A2ML1: variants seen among roughly 807,000 people sequenced by gnomAD.
A2ML1 encodes alpha-2-macroglobulin like 1, also known as alpha-2-macroglobulin-like protein 1.
In A2ML1, 161 loss-of-function variants were observed where a neutral mutation model predicts 181.9. That is an observed-to-expected ratio of 0.89 (90% CI 0.78 to 1.01). The LOEUF is 1.01. Ranked by LOEUF, A2ML1 falls within the 50% of genes least tolerant of loss-of-function variation. The pLI, the probability that A2ML1 is intolerant of heterozygous loss-of-function variation, is 0.00. For missense variants in A2ML1, 1,670 were observed against 1,768.1 expected (o/e 0.94, Z 1.00); for synonymous variants, 663 against 666.8 (o/e 0.99, Z 0.09).
At position 8,850,124 on chromosome 12, in the gene A2ML1, T is replaced by C. The variant is rs201335724; in HGVS notation, c.2120-36T>C. On this transcript the variant is annotated intron_variant, in intron 17 of 35. Transcript: ENST00000299698. ...ATTTATGTCACAACAAGAAGTCTCC[T>C]GTTTCCTAAAGTTTTCGTATTCTCA... The C allele has an allele frequency of 3.2e-4, 492 of 1,521,942 alleles. No individual in the cohort carries two copies. Among genetic ancestry groups the C allele is most frequent in the Non-Finnish European group, 2.7e-4 (306 of 1,118,996 alleles). 94.3% of individuals were successfully genotyped at this position (1,521,942 alleles called of 1,614,324 possible).
At chr12:8,849,576 T>G in intron 16 of A2ML1, 93 bp from the exon 17 acceptor site, 1 of 1,017,638 alleles carries the variant, frequency 9.8e-7, no homozygotes, top group East Asian at 2.4e-5. Flanking sequence ...AAGAATGTTT[T>G]GTTTCAACTC....
At chr12:8,872,654 C>T (rs1944665523) in intron 33 of A2ML1, among the ~76,000 whole-genome samples, 1 of 151,514 alleles carries the variant, frequency 6.6e-6, no homozygotes, top group Non-Finnish European at 1.5e-5. Flanking sequence ...CATGGTTGTG[C>T]GTGCCGGTAG....
chr12:8,854,791 C>G lies in A2ML1; in HGVS notation c.2724C>G (p.Val908=). The part of the protein sequence containing the change: ...IKPVLVKPEG[V]LVEKTHSSLL... ...TCTCTTCATCGCAGCCTGAGGGAGT[C>G]CTGGTGGAGAAGACACACAGCTCAT... Residue 908 remains valine, a synonymous_variant, in exon 22 of 36, where the codon GTC becomes GTG. Coordinates refer to ENST00000299698, the MANE Select transcript of A2ML1 (RefSeq NM_144670.6). 1.9e-6 allele frequency: 3 copies of G among 1,614,060 alleles called. No individual in the cohort carries two copies. The highest frequency in any genetic ancestry group is 2.5e-6 in the Non-Finnish European group (3 of 1,180,024).
At chr12:8,877,900 A>G (rs1230890326), downstream of A2ML1, among the ~76,000 whole-genome samples, 1 of 152,206 alleles carries the variant, frequency 6.6e-6, no homozygotes, top group Non-Finnish European at 1.5e-5. Context: ...TTTTCGCAGC[A>G]CTATTCACAA....
At chr12:8,858,841 A>G (rs2136921690) in intron 26 of A2ML1, among the ~76,000 whole-genome samples, 1 of 152,202 alleles carries the variant, frequency 6.6e-6, no homozygotes, top group African/African-American at 2.4e-5. Context: ...CACCAAATCC[A>G]TCTGGGAAAG....
At chr12:8,853,566 C>T (rs1175504638) in intron 20 of A2ML1, among the ~76,000 whole-genome samples, 1 of 152,110 alleles carries the variant, frequency 6.6e-6, no homozygotes, top group Admixed American at 6.5e-5. Context: ...GAAGACTCGA[C>T]TAGGAGAGGA....
At chr12:8,858,126 C>A (rs778194996) in intron 26 of A2ML1, 24 bp downstream of exon 26, 26 of 1,606,538 alleles carry the variant, frequency 1.6e-5, no homozygotes, top group African/African-American at 5.4e-5. Context: ...CAGGAGCCTG[C>A]AGCCAACCAC....
intron 12 of A2ML1, chr12:8,845,088 G>T (rs1227162233): frequency 1.4e-6 from 2 of 1,446,268 alleles, no homozygotes; most frequent in Non-Finnish European, 1.8e-6. Flanking sequence ...ACACTTATGA[G>T]GATAGATTTT....
At chr12:8,830,078 GTC>G (rs781391564) in intron 4 of A2ML1, among the ~76,000 whole-genome samples, 21 of 152,250 alleles carry the variant, frequency 1.4e-4, no homozygotes, top group African/African-American at 4.8e-4. Context: ...TAGAGACAGA[GTC>G]TCGCTCTGTG....
intron 17 of A2ML1, 47 bp downstream of exon 17, chr12:8,849,806 C>G: frequency 6.4e-7 from 1 of 1,558,170 alleles, no homozygotes; most frequent in Non-Finnish European, 8.8e-7. Context: ...GTTAACAGTC[C>G]TGGAACTCTG....
rs767684278 is a variant in A2ML1, at chr12:8,851,781, C to T, written c.2235-3C>T. 5.0e-6 allele frequency: 8 copies of T among 1,613,896 alleles called. No individual in the cohort carries two copies. In the Admixed American group the frequency reaches 1.0e-4, roughly 20 times the overall value. On this transcript the variant is annotated splice_region_variant and splice_polypyrimidine_tract_variant and intron_variant, in intron 18 of 35. Transcript: ENST00000299698. ...CCTCATGTTGGTCCTTGTGTTTTCACAGTAACTCGGGGAAGGAGGCGGTCC... is the reference window on the plus strand; with the variant it reads ...CCTCATGTTGGTCCTTGTGTTTTCATAGTAACTCGGGGAAGGAGGCGGTCC...
At chr12:8,851,699 C>A in intron 18 of A2ML1, 85 bp from the exon 19 acceptor site, 1 of 1,297,840 alleles carries the variant, frequency 7.7e-7, no homozygotes, top group Non-Finnish European at 1.1e-6. Flanking sequence ...AGCCAGCACA[C>A]CCCACCGAAT....
chr12:8,844,964 A>C, intron 12 of A2ML1: 1 of 1,335,358 alleles, frequency 7.5e-7, no homozygotes, highest in Non-Finnish European at 9.6e-7. Context: ...GTGGACGGGA[A>C]GGGGGAGTTA....
intron 12 of A2ML1, 177 bp from the exon 13 acceptor site, chr12:8,845,265 C>T (rs1943629023): frequency 6.7e-7 from 1 of 1,482,106 alleles, no homozygotes; most frequent in African/African-American, 1.4e-5. Flanking sequence ...CCACCAGGAC[C>T]CGTTGGCAGC....
chr12:8,837,890 CGAA>C (rs1318662149), intron 8 of A2ML1, among the ~76,000 whole-genome samples: 1 of 46,092 alleles, frequency 2.2e-5, no homozygotes. Flanking sequence ...CCTCCCCCAC[CGAA>C]AAAAAAAAAA....
At chr12:8,832,041 C>A (rs769152988) in intron 4 of A2ML1, among the ~76,000 whole-genome samples, 1 of 152,118 alleles carries the variant, frequency 6.6e-6, no homozygotes, top group Admixed American at 6.5e-5. Context: ...TGAGCCACCG[C>A]GCCTGGCCAG....
downstream of A2ML1, among the ~76,000 whole-genome samples, chr12:8,878,434 T>A (rs927674821): frequency 6.6e-6 from 1 of 152,178 alleles, no homozygotes; most frequent in Non-Finnish European, 1.5e-5. The surrounding 1 kb of genome is among the most constrained non-coding windows in gnomAD (Gnocchi z 4.4). Flanking sequence ...AACTTTTAAG[T>A]GGGAGCTAAA....
chr12:8,872,525 T>C (rs1638546854), intron 33 of A2ML1, among the ~76,000 whole-genome samples: 1 of 152,092 alleles, frequency 6.6e-6, no homozygotes, highest in African/African-American at 2.4e-5. Context: ...CTCATGCCTG[T>C]AATCCCAGCA....
At chr12:8,848,959 G>A in intron 16 of A2ML1, 45 bp downstream of exon 16, 1 of 1,571,576 alleles carries the variant, frequency 6.4e-7, no homozygotes, top group South Asian at 1.2e-5. Flanking sequence ...AGATGGTGGT[G>A]GGAATGGGCA....
Sources: allele counts gnomAD v4.1 joint callset (sites outside exome capture counted in the v4.1 genomes callset), GRCh38; gene constraint gnomAD v4.1.1; non-coding constraint Gnocchi (gnomAD v3.1); transcripts MANE v1.5; gene names NCBI Gene and HGNC (gene_info 2026-07-23, HGNC 2026-07-21).